Variants in TLK1 observed in about 807,000 individuals in gnomAD.
TLK1 encodes tousled like kinase 1.
In TLK1, 24 loss-of-function variants were observed where a neutral mutation model predicts 105.3. The observed-to-expected ratio is 0.23, with a 90% CI of 0.17 to 0.32. TLK1 has a LOEUF of 0.32. Among genes scored for constraint, TLK1 ranks in the 10% least tolerant of loss-of-function variants. TLK1 has a pLI of 1.00. For missense variants in TLK1, 558 were observed against 910.5 expected (o/e 0.61, Z 4.98); for synonymous variants, 321 against 310.4 (o/e 1.03, Z -0.36).
chr2:171,148,546 A>C (rs1178234248), intron 1 of TLK1, among the ~76,000 whole-genome samples: 1 of 151,952 alleles, frequency 6.6e-6, no homozygotes, highest in East Asian at 1.9e-4. Context: ...CGTCATTTGT[A>C]CATGTTTCCA....
Position 171,049,942 on chromosome 2 carries a change from T to C in TLK1, c.852A>G (p.Gln284=), listed in dbSNP as rs895104684. ...TCTTCTCTCTGCTTGACAGCTTTTC[T>C]TGTGTACTCTGAAAAGGAGAAAAAA... ...SKKLLIEKST[Q]EKLSSREKSM... Residue 284 remains glutamine (Q), a synonymous_variant, in exon 10 of 21, where the codon CAA becomes CAG. Transcript: ENST00000431350. The C allele has an allele frequency of 6.2e-7, 1 of 1,608,486 alleles. No individual in the cohort carries two copies. The highest frequency in any genetic ancestry group is 8.5e-7 in the Non-Finnish European group (1 of 1,176,868).
intron 1 of TLK1, among the ~76,000 whole-genome samples, chr2:171,226,834 T>C (rs1227633677): frequency 3.3e-5 from 5 of 152,174 alleles, no homozygotes; most frequent in Non-Finnish European, 7.4e-5. Context: ...ACTACTCTTA[T>C]GTAAAATAAT....
Position 171,160,242 on chromosome 2 carries a change from G to A in TLK1, c.139+48C>T. 1 of 1,379,778 alleles carries A rather than the reference G, an allele frequency of 7.2e-7. No individual in the cohort carries two copies. The highest frequency in any genetic ancestry group is 2.6e-4 in the Middle Eastern group (1 of 3,782). The allele number at this position is 1,379,778 out of a possible 1,614,324, so 85.5% of individuals were successfully genotyped here. On this transcript the variant is annotated intron_variant, in intron 1 of 20. Coordinates refer to ENST00000431350, the MANE Select transcript of TLK1 (RefSeq NM_012290.5). This position sits in a 1 kb window ranked among gnomAD's most constrained non-coding sequence, Gnocchi z 4.4. ...CGGGGGGGGGGCGCGGGGGTCCGCG[G>A]CGCGGGAGAGGAGGCCCGCGAGCGG...
chr2:170,993,575 A>G lies in TLK1; in HGVS notation c.*205T>C. 2 of 418,438 alleles carry G rather than the reference A, an allele frequency of 4.8e-6. No homozygotes were observed. The highest frequency in any genetic ancestry group is 8.2e-6 in the Non-Finnish European group (2 of 245,120). 25.9% of individuals were successfully genotyped at this position (418,438 alleles called of 1,614,324 possible). Reference sequence around the variant, plus strand: ...TTCACTGCTCAAAATTATAGTCAGAAGTGTGCATTTATTCATTGTCCATGA... The same window carrying G: ...TTCACTGCTCAAAATTATAGTCAGAGGTGTGCATTTATTCATTGTCCATGA... On this transcript the variant is annotated 3_prime_UTR_variant, in exon 21 of 21. Transcript: ENST00000431350.
At chr2:171,151,470 C>CTTTT (rs55670860) in intron 1 of TLK1, among the ~76,000 whole-genome samples, 7 of 124,236 alleles carry the variant, frequency 5.6e-5, no homozygotes, top group East Asian at 2.3e-4. Flanking sequence ...ATATGTGTAT[C>CTTTT]TTTTTTTTTT....
At chr2:171,024,196 C>T (rs888382137) in intron 12 of TLK1, among the ~76,000 whole-genome samples, 1 of 152,106 alleles carries the variant, frequency 6.6e-6, no homozygotes, top group African/African-American at 2.4e-5. Context: ...AGTCTCCATA[C>T]ATTTTACTAT....
chr2:171,018,148 G>C (rs1255130236), intron 12 of TLK1, among the ~76,000 whole-genome samples: 1 of 152,164 alleles, frequency 6.6e-6, no homozygotes, highest in East Asian at 1.9e-4. Context: ...TTCATGATGG[G>C]ATTAGTGGCC....
At chr2:171,079,109 C>T (rs1018025193) in intron 3 of TLK1, among the ~76,000 whole-genome samples, 5 of 152,188 alleles carry the variant, frequency 3.3e-5, no homozygotes, top group African/African-American at 1.2e-4. Flanking sequence ...ATCTAAAGAG[C>T]AGTAGTGGCT....
intron 18 of TLK1, among the ~76,000 whole-genome samples, chr2:171,004,901 TTATCC>T (rs1684575401): frequency 6.6e-6 from 1 of 152,248 alleles, no homozygotes; most frequent in East Asian, 1.9e-4. Context: ...CATTATTATC[TTATCC>T]ATGTTCCTAG....
At chr2:171,209,920 C>T (rs1011330027) in intron 1 of TLK1, among the ~76,000 whole-genome samples, 1 of 152,106 alleles carries the variant, frequency 6.6e-6, no homozygotes, top group Non-Finnish European at 1.5e-5. Context: ...ACTTTGTTAC[C>T]GCAGCCCTAG....
At chr2:171,042,312 T>C (rs1208425401) in intron 11 of TLK1, among the ~76,000 whole-genome samples, 1 of 152,130 alleles carries the variant, frequency 6.6e-6, no homozygotes, top group Non-Finnish European at 1.5e-5. Flanking sequence ...AGTGGAGTGA[T>C]CATAGCTCAC....
chr2:171,062,909 A>G (rs1344179989), intron 3 of TLK1, among the ~76,000 whole-genome samples: 1 of 152,214 alleles, frequency 6.6e-6, no homozygotes, highest in Non-Finnish European at 1.5e-5. Flanking sequence ...CAGGAGGTAG[A>G]CTGATGTACC....
chr2:171,173,241 G>T (rs1322773826), intron 1 of TLK1, among the ~76,000 whole-genome samples: 1 of 152,150 alleles, frequency 6.6e-6, no homozygotes, highest in Non-Finnish European at 1.5e-5. Context: ...AAATATACCA[G>T]TTAGAATAAC....
At chr2:171,187,828 T>C (rs1693063749) in intron 1 of TLK1, among the ~76,000 whole-genome samples, 1 of 152,198 alleles carries the variant, frequency 6.6e-6, no homozygotes. Context: ...GAGGCATTCA[T>C]TAAATATTTA....
intron 11 of TLK1, among the ~76,000 whole-genome samples, chr2:171,042,239 A>G (rs1686712725): frequency 6.6e-6 from 1 of 152,052 alleles, no homozygotes; most frequent in Non-Finnish European, 1.5e-5. Flanking sequence ...AATTCGATCA[A>G]ATGTGTTTTT....
chr2:171,023,036 G>T, intron 12 of TLK1: 1 of 470,974 alleles, frequency 2.1e-6, no homozygotes, highest in Non-Finnish European at 4.4e-6. Flanking sequence ...TACTGATGCT[G>T]CTGCTGCCTG....
At chr2:171,017,186 C>A (rs1439448198) in intron 12 of TLK1, among the ~76,000 whole-genome samples, 1 of 152,132 alleles carries the variant, frequency 6.6e-6, no homozygotes, top group African/African-American at 2.4e-5. Flanking sequence ...AACTTGCCTA[C>A]AGGTTTACCC....
chr2:171,174,280 G>A (rs1215665700), intron 1 of TLK1, among the ~76,000 whole-genome samples: 2 of 151,926 alleles, frequency 1.3e-5, no homozygotes, highest in African/African-American at 4.8e-5. Flanking sequence ...CTCCAGCTTG[G>A]AATTTCCTAC....
chr2:171,227,939 G>A (rs113713559), intron 1 of TLK1, among the ~76,000 whole-genome samples: 3,297 of 152,256 alleles, frequency 0.022, 124 homozygotes, highest in African/African-American at 0.074. Flanking sequence ...ACTTTGGAAA[G>A]CTGAGGCAGG....
Sources: allele counts gnomAD v4.1 joint callset (sites outside exome capture counted in the v4.1 genomes callset), GRCh38; gene constraint gnomAD v4.1.1; non-coding constraint Gnocchi (gnomAD v3.1); transcripts MANE v1.5; gene names NCBI Gene and HGNC (gene_info 2026-07-23, HGNC 2026-07-21).